Variants in APBA2 observed in about 807,000 individuals in gnomAD.
APBA2 encodes amyloid beta precursor protein binding family A member 2, also known as amyloid-beta A4 precursor protein-binding family A member 2.
A neutral mutation model predicts 75.0 loss-of-function variants in APBA2; 30 were observed. The ratio of observed to expected loss-of-function variants is 0.40; its 90% CI spans 0.30 to 0.54. APBA2 has a LOEUF of 0.54. APBA2 is among the 20% of genes least tolerant of loss of function. APBA2 has a pLI of 0.49. For missense variants in APBA2, 801 were observed against 1,016.1 expected (o/e 0.79, Z 2.88); for synonymous variants, 444 against 409.6 (o/e 1.08, Z -1.01).
At chr15:29,058,579 C>T (rs142361742) in intron 4 of APBA2, among the ~76,000 whole-genome samples, 92 of 152,198 alleles carry the variant, frequency 6.0e-4, no homozygotes, top group Middle Eastern at 3.4e-3. Flanking sequence ...CCTTTGGAGC[C>T]CTCCTGAGCT....
intron 10 of APBA2, 104 bp from the exon 11 acceptor site, chr15:29,105,275 T>A: frequency 8.3e-7 from 1 of 1,198,422 alleles, no homozygotes; most frequent in Non-Finnish European, 1.2e-6. Context: ...CCTTGAAGGC[T>A]TATGGGTGCA....
At chr15:28,931,056 C>G (rs2034538205) in intron 2 of APBA2, among the ~76,000 whole-genome samples, 1 of 152,204 alleles carries the variant, frequency 6.6e-6, no homozygotes, top group Non-Finnish European at 1.5e-5. Flanking sequence ...TAGGGGTCTG[C>G]TAGAAGCCCT....
At chr15:28,906,740 T>C (rs2033153640) in intron 1 of APBA2, among the ~76,000 whole-genome samples, 1 of 152,216 alleles carries the variant, frequency 6.6e-6, no homozygotes, top group South Asian at 2.1e-4. Context: ...TTTGTAAAAA[T>C]TGTGAATGAC....
intron 2 of APBA2, among the ~76,000 whole-genome samples, chr15:28,967,595 C>T (rs11857111): frequency 0.063 from 9,573 of 152,042 alleles, 533 homozygotes; most frequent in African/African-American, 0.15. Context: ...CCTGCCACCA[C>T]GCCCGGCTAA....
intron 2 of APBA2, among the ~76,000 whole-genome samples, chr15:28,941,502 CAAA>C (rs72376564): frequency 1.3e-4 from 8 of 59,812 alleles, no homozygotes; most frequent in East Asian, 4.6e-4. Context: ...ACTTGGGAGG[CAAA>C]AAAAAAAAAA....
At chr15:29,090,663 G>A (rs757785862) in intron 6 of APBA2, among the ~76,000 whole-genome samples, 7 of 152,176 alleles carry the variant, frequency 4.6e-5, no homozygotes, top group Admixed American at 2.6e-4. Flanking sequence ...TACCTGGGGC[G>A]CCTGGAAGAA....
chr15:28,984,051 T>C (rs1835910516), intron 2 of APBA2, among the ~76,000 whole-genome samples: 2 of 152,164 alleles, frequency 1.3e-5, no homozygotes, highest in African/African-American at 4.8e-5. Context: ...CACTTTGGTG[T>C]GAGGCGTGCC....
At chr15:28,982,914 G>T (rs1179135776) in intron 2 of APBA2, among the ~76,000 whole-genome samples, 1 of 152,232 alleles carries the variant, frequency 6.6e-6, no homozygotes, top group Non-Finnish European at 1.5e-5. Context: ...TTGTAGTGAT[G>T]TCTATGTAGA....
chr15:28,960,527 G>C (rs1314451436), intron 2 of APBA2, among the ~76,000 whole-genome samples: 1 of 151,658 alleles, frequency 6.6e-6, no homozygotes, highest in African/African-American at 2.4e-5. Flanking sequence ...GTCTACCTTA[G>C]AAACCCTCGC....
chr15:28,901,908 A>ATGTGTGTGTGTGCGTGTG (rs2032881327), intron 1 of APBA2, among the ~76,000 whole-genome samples: 1 of 67,378 alleles, frequency 1.5e-5, no homozygotes, highest in Non-Finnish European at 2.7e-5. Context: ...GGAGCTTTTG[A>ATGTGTGTGTGTGCGTGTG]TGTGTGTGTG....
At chr15:28,953,780 A>G (rs2036015819) in intron 2 of APBA2, among the ~76,000 whole-genome samples, 1 of 151,946 alleles carries the variant, frequency 6.6e-6, no homozygotes, top group African/African-American at 2.4e-5. Context: ...CAGTCCCCTT[A>G]CTGACCCGTG....
At position 29,030,729 on chromosome 15, in the gene APBA2, A is replaced by ATGTGTGTGTG. The variant is rs60048817; in HGVS notation, c.-40-23090_-40-23081dup. ...CAGTTTTGGTTAAACCCATGTGAGTATGTGTGTGTGTGTGTGTGTGTGTGT... is the reference window on the plus strand; with the variant it reads ...CAGTTTTGGTTAAACCCATGTGAGTATGTGTGTGTGTGTGTGTGTGTGTGTGTGTGTGTGT... On this transcript the variant is annotated intron_variant, in intron 3 of 14. Coordinates refer to ENST00000683413, the MANE Select transcript of APBA2 (RefSeq NM_001353788.2). 2.8e-3 allele frequency among the ~76,000 whole-genome samples: 314 copies of ATGTGTGTGTG among 113,300 alleles called. 3 individuals carry two copies. Among genetic ancestry groups the ATGTGTGTGTG allele is most frequent in the African/African-American group, 8.8e-3 (287 of 32,462 alleles). 74.3% of individuals were successfully genotyped at this position (113,300 alleles called of 152,430 possible).
intron 4 of APBA2, among the ~76,000 whole-genome samples, chr15:29,072,951 C>T (rs1342138436): frequency 6.6e-6 from 1 of 152,162 alleles, no homozygotes; most frequent in Non-Finnish European, 1.5e-5. Flanking sequence ...CCTTCTCCCT[C>T]GCCATCCTTA....
chr15:29,101,584 T>C lies in APBA2; in HGVS notation c.1339-15T>C, dbSNP rs765627101. The C allele has an allele frequency of 6.2e-7, 1 of 1,611,264 alleles. No individual in the cohort carries two copies. Among genetic ancestry groups the C allele is most frequent in the South Asian group, 1.1e-5 (1 of 90,520 alleles). On this transcript the variant is annotated splice_polypyrimidine_tract_variant and intron_variant, in intron 9 of 14. Coordinates refer to ENST00000683413, the MANE Select transcript of APBA2 (RefSeq NM_001353788.2). Reference sequence around the variant, plus strand: ...AGTAGTGTTCCCTGACGTGGCACTGTCTCCCTCCCGACAGGAAACCATGAT... The same window carrying C: ...AGTAGTGTTCCCTGACGTGGCACTGCCTCCCTCCCGACAGGAAACCATGAT...
intron 2 of APBA2, among the ~76,000 whole-genome samples, chr15:28,929,392 T>G (rs1217261434): frequency 6.6e-6 from 1 of 152,170 alleles, no homozygotes; most frequent in Non-Finnish European, 1.5e-5. Context: ...TCAGTGAATT[T>G]GCGACACACA....
chr15:29,010,536 G>A (rs533249613), intron 3 of APBA2, among the ~76,000 whole-genome samples: 1 of 152,272 alleles, frequency 6.6e-6, no homozygotes, highest in African/African-American at 2.4e-5. Flanking sequence ...GGGATTACAG[G>A]TGCGAGCCAC....
At chr15:28,898,557 G>A (rs893710249) in intron 1 of APBA2, among the ~76,000 whole-genome samples, 2 of 152,176 alleles carry the variant, frequency 1.3e-5, no homozygotes, top group African/African-American at 2.4e-5. Flanking sequence ...GGTTGCCTTC[G>A]GGAGATGGTA....
intron 3 of APBA2, among the ~76,000 whole-genome samples, chr15:29,037,679 G>A (rs995399558): frequency 3.9e-5 from 6 of 152,100 alleles, no homozygotes; most frequent in East Asian, 1.9e-4. Context: ...CTCTTATAAC[G>A]TAGTACCACA....
intron 2 of APBA2, among the ~76,000 whole-genome samples, chr15:28,950,039 C>T (rs534264006): frequency 6.6e-6 from 1 of 152,106 alleles, no homozygotes; most frequent in Non-Finnish European, 1.5e-5. Context: ...TACCTATAGT[C>T]CTTGCGTCTC....
Sources: gnomAD v4.1 joint callset for allele counts (sites outside exome capture counted in the v4.1 genomes callset) on GRCh38, gnomAD v4.1.1 for gene constraint, MANE v1.5 for transcripts, NCBI Gene and HGNC (gene_info 2026-07-23, HGNC 2026-07-21) for gene names.